The following DNAH6 variants were observed in gnomAD, a reference collection of about 807,000 sequenced individuals.
The protein encoded by DNAH6 is axonemal beta dynein heavy chain 6.
A neutral mutation model predicts 491.4 loss-of-function variants in DNAH6; 340 were observed. The ratio of observed to expected loss-of-function variants is 0.69; its 90% CI spans 0.63 to 0.76. DNAH6 has a LOEUF of 0.76. Ranked by LOEUF, DNAH6 falls within the 30% of genes least tolerant of loss-of-function variation. The pLI is 0.00. For missense variants in DNAH6, 4,443 were observed against 4,972.2 expected, an observed-to-expected ratio of 0.89 and a Z score of 3.20; for synonymous variants, 1,603 against 1,686.1, an observed-to-expected ratio of 0.95 and a Z score of 1.21.
chr2:84,806,558 G>A (rs979664161), intron 71 of DNAH6, among the ~76,000 whole-genome samples: 3 of 145,470 alleles, frequency 2.1e-5, no homozygotes, highest in Non-Finnish European at 3.0e-5. Context: ...GGCGGAGCTC[G>A]CAGTGAGCCG....
intron 64 of DNAH6, among the ~76,000 whole-genome samples, chr2:84,767,798 A>G (rs184351553): frequency 1.3e-4 from 20 of 152,254 alleles, no homozygotes; most frequent in African/African-American, 4.6e-4. Context: ...TCCACAGATT[A>G]TATAAACTCT....
Position 84,710,316 on chromosome 2 carries a change from CA to C in DNAH6, c.9286del (p.Ser3096ValfsTer3), listed in dbSNP as rs1203467850. On this transcript the variant is annotated frameshift_variant, in exon 56 of 77. Transcript: ENST00000389394. LOFTEE classifies it high-confidence loss of function. ...ACCGTTGGATAAGGAACAAGGAAAG[CA>C]AAAGTGGTTTAAAGATCATTAAGCT... ...ANRWIRNKES[K>X]SGLKIIKLTD... is the part of the protein sequence containing the mutation. 1.3e-6 allele frequency: 2 copies of C among 1,551,590 alleles called. No individual in the cohort carries two copies. Among genetic ancestry groups the C allele is most frequent in the Non-Finnish European group, 1.7e-6 (2 of 1,146,908 alleles).
Position 84,624,506 on chromosome 2 carries a change from C to T in DNAH6, c.4239C>T (p.Arg1413=), listed in dbSNP as rs1363475162. 1 of 1,551,910 alleles carries T rather than the reference C, an allele frequency of 6.4e-7. No homozygotes were observed. The highest frequency in any genetic ancestry group is 8.7e-7 in the Non-Finnish European group (1 of 1,146,990). The change falls in exon 28 of 77, where the codon CGC becomes CGT. Residue 1413 remains arginine, a synonymous_variant. Transcript: ENST00000389394. ...CTTTTGACTGGCAGAGACAACTGCG[C>T]TATTACTGGGATATAGACCTGGATA... ...VESFDWQRQL[R]YYWDIDLDNC... is the part of the protein sequence containing the mutation.
intron 11 of DNAH6, among the ~76,000 whole-genome samples, 195 bp downstream of exon 11, chr2:84,558,130 A>G (rs1274199725): frequency 6.6e-6 from 1 of 152,146 alleles, no homozygotes; most frequent in Non-Finnish European, 1.5e-5. Context: ...ATAATTTTTT[A>G]AAAGCATTAA....
At chr2:84,643,339 T>A (rs958824589) in intron 33 of DNAH6, among the ~76,000 whole-genome samples, 9 of 152,048 alleles carry the variant, frequency 5.9e-5, no homozygotes, top group Non-Finnish European at 1.2e-4. Flanking sequence ...TAAAGTGACC[T>A]GCTTCGGTAT....
At chr2:84,474,286 A>G in the DNAH6 span, among the ~76,000 whole-genome samples, 6 of 152,204 alleles carry the variant, frequency 3.9e-5, no homozygotes, top group African/African-American at 1.2e-4. Context: ...AAGGGGAGCA[A>G]GTAGGCTCTA....
chr2:84,556,827 G>A (rs1018893677), intron 10 of DNAH6, among the ~76,000 whole-genome samples: 15 of 151,954 alleles, frequency 9.9e-5, no homozygotes, highest in Non-Finnish European at 1.5e-4. Flanking sequence ...TCTTTTATTC[G>A]AACTTAACAT....
chr2:84,477,318 A>G, the DNAH6 span, among the ~76,000 whole-genome samples: 10,783 of 152,170 alleles, frequency 0.071, 1,260 homozygotes, highest in African/African-American at 0.25. Flanking sequence ...CTAGGAGCCT[A>G]GGAGGGCTAG....
the DNAH6 span, among the ~76,000 whole-genome samples, chr2:84,467,553 T>C: frequency 6.6e-6 from 1 of 151,816 alleles, no homozygotes; most frequent in Non-Finnish European, 1.5e-5. Context: ...AGCAAGCAAG[T>C]TGTAGAGTGA....
chr2:84,532,479 CA>C (rs941057170), intron 4 of DNAH6, among the ~76,000 whole-genome samples: 1 of 152,052 alleles, frequency 6.6e-6, no homozygotes, highest in African/African-American at 2.4e-5. Context: ...TATACTGTGT[CA>C]ACAAGATGAG....
intron 26 of DNAH6, among the ~76,000 whole-genome samples, chr2:84,622,495 C>T (rs1430821418): frequency 6.6e-6 from 1 of 152,100 alleles, no homozygotes; most frequent in Non-Finnish European, 1.5e-5. Flanking sequence ...CTCAAGCAAT[C>T]CTCCTGCCTT....
At chr2:84,764,052 G>A (rs13386317) in intron 64 of DNAH6, among the ~76,000 whole-genome samples, 238 of 152,206 alleles carry the variant, frequency 1.6e-3, no homozygotes, top group African/African-American at 5.6e-3. Flanking sequence ...CGCTCACTTA[G>A]CTTAGGAAGG....
intron 21 of DNAH6, among the ~76,000 whole-genome samples, chr2:84,609,929 AC>A (rs1686165218): frequency 6.6e-6 from 1 of 152,172 alleles, no homozygotes; most frequent in South Asian, 2.1e-4. Context: ...TGAAACAAAT[AC>A]TACAAACTTA....
At chr2:84,517,789 A>C in intron 1 of DNAH6, 30 bp from the exon 2 acceptor site, 11 of 1,510,306 alleles carry the variant, frequency 7.3e-6, no homozygotes, top group Non-Finnish European at 9.9e-6. Flanking sequence ...TCTACTTTTC[A>C]TTTTCTTTTT....
chr2:84,810,362 G>T (rs1041119825), intron 72 of DNAH6, among the ~76,000 whole-genome samples: 1 of 152,106 alleles, frequency 6.6e-6, no homozygotes, highest in Non-Finnish European at 1.5e-5. Flanking sequence ...TGACTCTCAG[G>T]TCTCCTTTGG....
chr2:84,731,122 A>G (rs1699081825), intron 61 of DNAH6, among the ~76,000 whole-genome samples: 1 of 152,174 alleles, frequency 6.6e-6, no homozygotes, highest in Non-Finnish European at 1.5e-5. Flanking sequence ...AGGACAGCAA[A>G]TCTTGTGGTC....
intron 2 of DNAH6, among the ~76,000 whole-genome samples, chr2:84,520,429 C>A (rs770313523): frequency 6.6e-6 from 1 of 151,962 alleles, no homozygotes; most frequent in Non-Finnish European, 1.5e-5. Context: ...ACTTTTTTAA[C>A]GTTTATTTTA....
intron 10 of DNAH6, among the ~76,000 whole-genome samples, chr2:84,553,387 T>G (rs1377713951): frequency 2.2e-5 from 3 of 137,598 alleles, no homozygotes; most frequent in South Asian, 2.5e-4. Context: ...CTTTCTTTCT[T>G]TCTTTCTTTC....
the DNAH6 span, among the ~76,000 whole-genome samples, chr2:84,499,349 C>T: frequency 6.6e-6 from 1 of 152,110 alleles, no homozygotes; most frequent in African/African-American, 2.4e-5. Flanking sequence ...TCAGTTCTAC[C>T]CATGTTGTTG....
Sources: allele counts gnomAD v4.1 joint callset (sites outside exome capture counted in the v4.1 genomes callset), GRCh38; gene constraint gnomAD v4.1.1; transcripts MANE v1.5; gene names NCBI Gene and HGNC (gene_info 2026-07-23, HGNC 2026-07-21).